The following MARCO variants were observed in gnomAD, a reference collection of about 807,000 sequenced individuals.
MARCO encodes macrophage receptor MARCO.
Under a neutral mutation model 70.0 loss-of-function variants are expected in MARCO, and 72 were observed. The ratio of observed to expected loss-of-function variants is 1.03; its 90% CI spans 0.85 to 1.25. The LOEUF (loss-of-function observed/expected upper bound fraction) is 1.25. MARCO is among the 50% of genes most tolerant of loss of function. The pLI is 0.00. For missense variants in MARCO, 696 were observed against 659.3 expected (o/e 1.06, Z -0.61); for synonymous variants, 273 against 243.1 (o/e 1.12, Z -1.14).
chr2:118,951,108 A>G (rs1450263313), intron 1 of MARCO, among the ~76,000 whole-genome samples: 1 of 152,188 alleles, frequency 6.6e-6, no homozygotes, highest in Non-Finnish European at 1.5e-5. Flanking sequence ...CAGACCAATT[A>G]TTAGGCAATT....
At chr2:118,959,440 C>T (rs1679900466) in intron 1 of MARCO, among the ~76,000 whole-genome samples, 1 of 152,072 alleles carries the variant, frequency 6.6e-6, no homozygotes, top group Admixed American at 6.6e-5. Flanking sequence ...GTGATACTAC[C>T]TTACTCCTGC....
intron 1 of MARCO, among the ~76,000 whole-genome samples, chr2:118,959,261 G>T (rs980792717): frequency 6.6e-6 from 1 of 152,064 alleles, no homozygotes; most frequent in Non-Finnish European, 1.5e-5. Flanking sequence ...TTAATGTCCA[G>T]AATCTACAAC....
In MARCO at chr2:118,994,556, T is replaced by C; in HGVS notation, c.*36T>C. 1 of 1,530,624 alleles carries C rather than the reference T, an allele frequency of 6.5e-7. No individual in the cohort carries two copies. The highest frequency in any genetic ancestry group is 2.3e-5 in the East Asian group (1 of 44,010). 94.8% of individuals were successfully genotyped at this position (1,530,624 alleles called of 1,614,324 possible). On this transcript the variant is annotated 3_prime_UTR_variant, in exon 17 of 17. Coordinates refer to ENST00000327097, the MANE Select transcript of MARCO (RefSeq NM_006770.4). ...CTTTCACTTCTCTGCTCCCGAGGTG[T>C]CCTCGGGCTCATATGTGGGAAGGCA... is the stretch of plus-strand genomic sequence containing the variant.
At chr2:118,965,970 C>T (rs890606050) in intron 1 of MARCO, among the ~76,000 whole-genome samples, 1 of 152,130 alleles carries the variant, frequency 6.6e-6, no homozygotes, top group African/African-American at 2.4e-5. Flanking sequence ...CAGCCCAGTG[C>T]TAGGGTAGAG....
At chr2:118,978,519 C>T (rs1451244273) in intron 8 of MARCO, among the ~76,000 whole-genome samples, 7 of 152,328 alleles carry the variant, frequency 4.6e-5, no homozygotes, top group South Asian at 2.1e-4. Context: ...CCACGCTCTC[C>T]GCCTCTCAGC....
chr2:118,974,400 GAA>G lies in MARCO; in HGVS notation c.529_530del (p.Lys177GlyfsTer69). 1 of 1,612,786 alleles carries G rather than the reference GAA, an allele frequency of 6.2e-7. No homozygotes were observed. Among genetic ancestry groups the G allele is most frequent in the Non-Finnish European group, 8.5e-7 (1 of 1,179,582 alleles). The stretch of plus-strand genomic sequence containing the variant: ...CTGGCCCGCCGGGACCACCTGCTGA[GAA>G]GGGAGCCAAGGGGGCTATGGGACGA... ...APGPPGPPAE[K>X]GAKGAMGRDG... is the part of the protein sequence containing the mutation. On this transcript the variant is annotated frameshift_variant, in exon 5 of 17. Transcript: ENST00000327097. LOFTEE classifies it high-confidence loss of function.
intron 1 of MARCO, among the ~76,000 whole-genome samples, chr2:118,958,877 A>G (rs1281266823): frequency 6.6e-6 from 1 of 151,514 alleles, no homozygotes; most frequent in Non-Finnish European, 1.5e-5. Context: ...ACAAAAATAT[A>G]AAGTGGGGAA....
intron 13 of MARCO, among the ~76,000 whole-genome samples, chr2:118,991,180 A>G (rs1189167768): frequency 6.6e-6 from 1 of 151,980 alleles, no homozygotes; most frequent in Non-Finnish European, 1.5e-5. Flanking sequence ...TGAGTGCAAA[A>G]GTGAGATTTT....
rs539100559 is a variant in MARCO at position 118,993,040 on chromosome 2, T to C, written c.1253-84T>C. ...CATTTCTTTTCCTTAACTGTAGAAC[T>C]CCAAAATGAAAAGAAAGAGCCCGCA... On this transcript the variant is annotated intron_variant, in intron 15 of 16. Transcript: ENST00000327097. 230 of 1,209,530 alleles carry C rather than the reference T, an allele frequency of 1.9e-4. No individual in the cohort carries two copies. The South Asian group carries it at 3.1e-3, about 16-fold the overall frequency. 74.9% of individuals were successfully genotyped at this position (1,209,530 alleles called of 1,614,324 possible). A position where few individuals can be genotyped will look rare whatever the true frequency, so the allele number is the denominator to read the frequency against.
intron 9 of MARCO, 44 bp downstream of exon 9, chr2:118,981,551 C>CATTTTTTTTTTTTTTTTTTTTTT: frequency 6.9e-7 from 1 of 1,448,696 alleles, no homozygotes; most frequent in Non-Finnish European, 9.5e-7. Flanking sequence ...TAGGTATTTC[C>CATTTTTTTTTTTTTTTTTTTTTT]TTTTTTTTTT....
chr2:118,986,672 G>GGAAGGAAGGAAA lies in MARCO; in HGVS notation c.1064-3914_1064-3913insGGAAGGAAAGAA, dbSNP rs1680505947. 3.8e-3 allele frequency among the ~76,000 whole-genome samples: 187 copies of GGAAGGAAGGAAA among 48,690 alleles called. 12 individuals carry two copies. Among genetic ancestry groups the GGAAGGAAGGAAA allele is most frequent in the East Asian group, 6.3e-3 (7 of 1,110 alleles). 31.9% of individuals were successfully genotyped at this position (48,690 alleles called of 152,430 possible). On this transcript the variant is annotated intron_variant, in intron 12 of 16. Transcript: ENST00000327097. The stretch of plus-strand genomic sequence containing the variant: ...AAGAAAGAAGGAAGGAAGGAAGGAA[G>GGAAGGAAGGAAA]GAAAGAAAGAAAGAAAGAAAGAAAG...
chr2:118,977,820 C>T lies in MARCO; in HGVS notation c.659-8C>T, dbSNP rs747535612. On this transcript the variant is annotated splice_region_variant and splice_polypyrimidine_tract_variant and intron_variant, in intron 7 of 16. Transcript: ENST00000327097. ...GGGAGCCCATCTCACCAGCCATTCT[C>T]TTTGCAGGCACCCCAGGACCCCAAG... The T allele has an allele frequency of 6.2e-6, 10 of 1,607,300 alleles. No individual in the cohort carries two copies. The highest frequency in any genetic ancestry group is 7.7e-6 in the Non-Finnish European group (9 of 1,176,126).
chr2:118,979,737 A>G (rs1680354141), intron 8 of MARCO, among the ~76,000 whole-genome samples: 1 of 152,094 alleles, frequency 6.6e-6, no homozygotes, highest in South Asian at 2.1e-4. Flanking sequence ...CCTCTTCCCA[A>G]ATTTCCTCTC....
chr2:118,990,811 C>A (rs1464725189), intron 13 of MARCO, among the ~76,000 whole-genome samples, 178 bp downstream of exon 13: 1 of 152,138 alleles, frequency 6.6e-6, no homozygotes, highest in Non-Finnish European at 1.5e-5. Flanking sequence ...ACCTGGGAAC[C>A]ACAGGAACTC....
intron 1 of MARCO, among the ~76,000 whole-genome samples, chr2:118,959,904 G>A (rs982896534): frequency 6.6e-6 from 1 of 152,126 alleles, no homozygotes; most frequent in African/African-American, 2.4e-5. Context: ...TGATATGAGG[G>A]AGCTAAGCCA....
At chr2:118,993,743 A>T (rs1680668731) in intron 16 of MARCO, among the ~76,000 whole-genome samples, 2 of 152,250 alleles carry the variant, frequency 1.3e-5, no homozygotes, top group African/African-American at 4.8e-5. Flanking sequence ...ATCATCTTTA[A>T]AGAGAAGATG....
intron 14 of MARCO, among the ~76,000 whole-genome samples, chr2:118,992,136 C>T (rs1390651769): frequency 2.6e-5 from 4 of 152,212 alleles, no homozygotes; most frequent in African/African-American, 7.2e-5. Flanking sequence ...CGACCCAACA[C>T]TCCTAGGCAG....
Position 118,942,395 on chromosome 2 carries a change from A to G in MARCO, c.95A>G (p.Asn32Ser), listed in dbSNP as rs775618424. ...HQIAMEPFEI[N>S]VPKPKRRNGV... ...ATTGCAATGGAGCCTTTCGAAATCAATGGTAAAGTACGATTCCCCAATAAT... is the reference window on the plus strand; with the variant it reads ...ATTGCAATGGAGCCTTTCGAAATCAGTGGTAAAGTACGATTCCCCAATAAT... Residue 32 changes from asparagine to serine, a missense_variant and splice_region_variant, in exon 1 of 17, where the codon AAT becomes AGT. This residue lies in a region of MARCO where 605 missense variants were observed against 537.6 expected (regional missense o/e 1.13). Transcript: ENST00000327097. 3.9e-5 allele frequency: 62 copies of G among 1,609,082 alleles called. No individual in the cohort carries two copies. The Middle Eastern group carries it at 8.2e-4, about 21-fold the overall frequency.
chr2:118,985,446 A>C (rs1680467411), intron 12 of MARCO, among the ~76,000 whole-genome samples: 1 of 152,108 alleles, frequency 6.6e-6, no homozygotes, highest in Non-Finnish European at 1.5e-5. Context: ...GCATCTCTTG[A>C]GAGAGGAGCC....
Sources: allele counts gnomAD v4.1 joint callset (sites outside exome capture counted in the v4.1 genomes callset), GRCh38; gene constraint gnomAD v4.1.1; regional missense constraint gnomAD v4.1.1; transcripts MANE v1.5; gene names NCBI Gene and HGNC (gene_info 2026-07-23, HGNC 2026-07-21).